The following CYP3A43 variants were observed in gnomAD, a reference collection of about 807,000 sequenced individuals.
The protein encoded by CYP3A43 is cytochrome P450 3A43.
A neutral mutation model predicts 58.0 loss-of-function variants in CYP3A43; 45 were observed. That is an observed-to-expected ratio of 0.78 (90% CI 0.61 to 0.99). The LOEUF (loss-of-function observed/expected upper bound fraction) is 0.99. Ranked by LOEUF, CYP3A43 falls within the 50% of genes least tolerant of loss-of-function variation. The pLI, the probability that CYP3A43 is intolerant of heterozygous loss-of-function variation, is 0.00. For synonymous variants in CYP3A43, 191 were observed against 201.4 expected (o/e 0.95, Z 0.44); for missense variants, 593 against 591.9 (o/e 1.00, Z -0.02).
At chr7:99,853,847 C>T (rs1479619373) in intron 7 of CYP3A43, among the ~76,000 whole-genome samples, 4 of 152,176 alleles carry the variant, frequency 2.6e-5, no homozygotes, top group Admixed American at 1.3e-4. Context: ...TGAGCCACCG[C>T]GCCCAGCCTT....
At chr7:99,838,808 T>A in intron 2 of CYP3A43, 1 of 558,976 alleles carries the variant, frequency 1.8e-6, no homozygotes, top group Non-Finnish European at 2.8e-6. Flanking sequence ...GGTGAAACCC[T>A]ATTTCTACTA....
At chr7:99,837,417 C>T (rs1817142717) in intron 2 of CYP3A43, among the ~76,000 whole-genome samples, 1 of 152,100 alleles carries the variant, frequency 6.6e-6, no homozygotes, top group African/African-American at 2.4e-5. Context: ...TGAATTCTCT[C>T]AAGAACTGTT....
chr7:99,860,915 C>G (rs1376640472), intron 10 of CYP3A43, among the ~76,000 whole-genome samples: 2 of 152,056 alleles, frequency 1.3e-5, no homozygotes, highest in African/African-American at 4.8e-5. Context: ...GCTTCGTCGC[C>G]CAGGCTGGAC....
intron 4 of CYP3A43, among the ~76,000 whole-genome samples, chr7:99,846,217 C>T (rs1011024715): frequency 1.3e-5 from 2 of 152,188 alleles, no homozygotes; most frequent in African/African-American, 4.8e-5. Context: ...TCTTTCAAAA[C>T]ATGAACATAG....
intron 3 of CYP3A43, 192 bp downstream of exon 3, chr7:99,839,364 T>C (rs1036971894): frequency 1.4e-6 from 1 of 737,724 alleles, no homozygotes; most frequent in Non-Finnish European, 2.4e-6. Context: ...ATGCGTGTCA[T>C]AGGAAACTCC....
At position 99,836,456 on chromosome 7, in the gene CYP3A43, T is replaced by C; in HGVS notation, c.75T>C (p.Tyr25=). The C allele has an allele frequency of 6.3e-7, 1 of 1,583,388 alleles. No individual in the cohort carries two copies. ...GGCTTTCTCTTTTATTTTATAGTTA[T>C]GGGACCCATTCACATAAACTTTTTA... ...VATSLVLLYI[Y]GTHSHKLFKK... Residue 25 remains tyrosine, a synonymous_variant, in exon 2 of 13, where the codon TAT becomes TAC. Coordinates refer to ENST00000354829, the MANE Select transcript of CYP3A43 (RefSeq NM_057095.3).
intron 1 of CYP3A43, among the ~76,000 whole-genome samples, chr7:99,828,388 G>A (rs942505458): frequency 6.6e-6 from 1 of 152,162 alleles, no homozygotes; most frequent in South Asian, 2.1e-4. Flanking sequence ...TTTAGTCTGG[G>A]TGCGGTGGCT....
chr7:99,861,204 T>G (rs1369990388), intron 10 of CYP3A43, among the ~76,000 whole-genome samples: 1 of 152,224 alleles, frequency 6.6e-6, no homozygotes, highest in Non-Finnish European at 1.5e-5. Flanking sequence ...TAAATGCTTG[T>G]ATGAAATAGA....
rs369008396 is a variant in CYP3A43, at chr7:99,836,517, T to C, written c.136T>C (p.Phe46Leu). The C allele has an allele frequency of 3.3e-5, 53 of 1,602,472 alleles. No individual in the cohort carries two copies. Among genetic ancestry groups the C allele is most frequent in the Non-Finnish European group, 4.2e-5 (49 of 1,177,078 alleles). The change falls in exon 2 of 13, where the codon TTT becomes CTT. Residue 46 changes from phenylalanine (F) to leucine (L), a missense_variant. Transcript: ENST00000354829. Reference protein sequence around the residue: ...LGIPGPTPLPFLGTILFYLRG... With the variant: ...LGIPGPTPLPLLGTILFYLRG... ...AATTCCTGGGCCAACCCCTCTGCCT[T>C]TTCTGGGAACTATTTTGTTCTACCT...
At chr7:99,832,594 G>C (rs1816891478) in intron 1 of CYP3A43, among the ~76,000 whole-genome samples, 1 of 150,854 alleles carries the variant, frequency 6.6e-6, no homozygotes, top group Non-Finnish European at 1.5e-5. Context: ...AATGCTAAAT[G>C]ATGAGTTAAT....
intron 7 of CYP3A43, among the ~76,000 whole-genome samples, chr7:99,853,362 T>C (rs1440114160): frequency 6.6e-6 from 1 of 152,234 alleles, no homozygotes; most frequent in East Asian, 1.9e-4. Flanking sequence ...TTACCTGTTA[T>C]CTAATTTATA....
At chr7:99,839,442 A>G (rs1817240477) in intron 3 of CYP3A43, 1 of 638,962 alleles carries the variant, frequency 1.6e-6, no homozygotes, top group Non-Finnish European at 2.9e-6. Flanking sequence ...CAAAGGGAAA[A>G]TCGAGCTTGA....
intron 7 of CYP3A43, among the ~76,000 whole-genome samples, chr7:99,850,617 CA>C (rs1263669336): frequency 6.6e-6 from 1 of 152,124 alleles, no homozygotes; most frequent in Non-Finnish European, 1.5e-5. Flanking sequence ...TTTGGCCTCC[CA>C]AAGTTCTGGG....
At position 99,860,137 on chromosome 7, in the gene CYP3A43, A is replaced by G. The variant is rs577560937; in HGVS notation, c.1026+147A>G. On this transcript the variant is annotated intron_variant, in intron 10 of 12. Coordinates refer to ENST00000354829, the MANE Select transcript of CYP3A43 (RefSeq NM_057095.3). ...TGCAGAAAGGCTGTAAAGAGTAAAAACAAAGGGAGAATCGTAGGTAGTGGA... is the reference window on the plus strand; with the variant it reads ...TGCAGAAAGGCTGTAAAGAGTAAAAGCAAAGGGAGAATCGTAGGTAGTGGA... 45 of 1,021,320 alleles carry G rather than the reference A, an allele frequency of 4.4e-5. No individual in the cohort carries two copies. In the Admixed American group the frequency reaches 1.3e-3, roughly 30 times the overall value. 63.3% of individuals were successfully genotyped at this position (1,021,320 alleles called of 1,614,324 possible). A position where few individuals can be genotyped will look rare whatever the true frequency, so the allele number is the denominator to read the frequency against.
At chr7:99,843,580 C>T (rs1016637055) in intron 3 of CYP3A43, among the ~76,000 whole-genome samples, 1 of 151,992 alleles carries the variant, frequency 6.6e-6, no homozygotes, top group Non-Finnish European at 1.5e-5. Flanking sequence ...ATTCTCCTGC[C>T]CTGGCTTCCC....
At chr7:99,838,688 T>A (rs905559239) in intron 2 of CYP3A43, 4 of 1,288,764 alleles carry the variant, frequency 3.1e-6, no homozygotes, top group Non-Finnish European at 4.0e-6. Context: ...GGTCTCTGAA[T>A]AAGATTCCCA....
chr7:99,839,712 G>A (rs1191736720), intron 3 of CYP3A43, among the ~76,000 whole-genome samples: 12 of 152,184 alleles, frequency 7.9e-5, no homozygotes. Context: ...CGAGAGAGGG[G>A]GCCCCCAGTG....
At chr7:99,861,449 C>T (rs1314630661) in intron 10 of CYP3A43, among the ~76,000 whole-genome samples, 164 bp from the exon 11 acceptor site, 1 of 152,162 alleles carries the variant, frequency 6.6e-6, no homozygotes, top group Non-Finnish European at 1.5e-5. Context: ...CCATCGAGCA[C>T]ATCACTGGGT....
intron 6 of CYP3A43, 93 bp from the exon 7 acceptor site, chr7:99,849,453 G>T: frequency 7.0e-7 from 1 of 1,438,822 alleles, no homozygotes; most frequent in Non-Finnish European, 9.3e-7. Flanking sequence ...GTTTTCACCT[G>T]TCTTGCTCTG....
Sources: allele counts gnomAD v4.1 joint callset (sites outside exome capture counted in the v4.1 genomes callset), GRCh38; gene constraint gnomAD v4.1.1; transcripts MANE v1.5; gene names NCBI Gene and HGNC (gene_info 2026-07-23, HGNC 2026-07-21).